MET: variants seen among roughly 807,000 people sequenced by gnomAD.
The protein encoded by MET is hepatocyte growth factor receptor.
In MET, 48 loss-of-function variants were observed where a neutral mutation model predicts 133.1. The ratio of observed to expected loss-of-function variants is 0.36; its 90% CI spans 0.29 to 0.46. MET has a LOEUF of 0.46. Among genes scored for constraint, MET ranks in the 20% least tolerant of loss-of-function variants. MET has a pLI of 1.00. For synonymous variants in MET, 628 were observed against 616.5 expected, an observed-to-expected ratio of 1.02 and a Z score of -0.28; for missense variants, 1,442 against 1,695.9, an observed-to-expected ratio of 0.85 and a Z score of 2.63.
chr7:116,784,647 C>T (rs1795255233), intron 19 of MET, among the ~76,000 whole-genome samples: 1 of 152,188 alleles, frequency 6.6e-6, no homozygotes, highest in Admixed American at 6.5e-5. Flanking sequence ...GATCCAATCA[C>T]CTCCAACCAC....
rs1270496136 is a variant in MET at position 116,778,975 on chromosome 7, C to T, written c.3522+18C>T. On this transcript the variant is annotated intron_variant, in intron 17 of 20. Transcript: ENST00000397752. The stretch of plus-strand genomic sequence containing the variant: ...AGACTCATGTAAGTTGACTGCCAAG[C>T]TTACTAACTGGCAAACTAGCTGTAA... 2 of 1,613,086 alleles carry T rather than the reference C, an allele frequency of 1.2e-6. No individual in the cohort carries two copies. Among genetic ancestry groups the T allele is most frequent in the South Asian group, 2.2e-5 (2 of 91,016 alleles).
At chr7:116,795,606 T>C (rs1433586437) in intron 19 of MET, 49 bp from the exon 20 acceptor site, 3 of 1,611,830 alleles carry the variant, frequency 1.9e-6, no homozygotes, top group African/African-American at 1.3e-5. Flanking sequence ...CTTTCATATA[T>C]GTATGGTCAC....
At chr7:116,724,771 G>A (rs1007839691) in intron 2 of MET, 1 of 1,177,716 alleles carries the variant, frequency 8.5e-7, no homozygotes, top group African/African-American at 1.7e-5. Flanking sequence ...TCCCTTTACA[G>A]GCAGAAAATG....
chr7:116,768,354 A>G (rs2116977054), intron 11 of MET, among the ~76,000 whole-genome samples: 1 of 152,268 alleles, frequency 6.6e-6, no homozygotes, highest in Non-Finnish European at 1.5e-5. Flanking sequence ...TATGTGGATA[A>G]GGGTTTTATC....
In MET at chr7:116,763,060, A is replaced by G. The variant is rs980467681; in HGVS notation, c.2375A>G (p.His792Arg). Residue 792 changes from histidine to arginine, a missense_variant, in exon 11 of 21, where the codon CAT becomes CGT. By Grantham distance (29) the His-to-Arg change is conservative. Transcript: ENST00000397752. ...AGRNFTVACQ[H>R]RSNSEIICCT... Reference sequence around the variant, plus strand: ...TGTGTCTTTCTCTAGGCATGTCAACATCGCTCTAATTCAGAGATAATCTGT... The same window carrying G: ...TGTGTCTTTCTCTAGGCATGTCAACGTCGCTCTAATTCAGAGATAATCTGT... 3.7e-6 allele frequency: 6 copies of G among 1,613,834 alleles called. No individual in the cohort carries two copies. In the African/African-American group the frequency reaches 5.3e-5, roughly 14 times the overall value.
chr7:116,683,753 TAGAATTTG>T (rs1307414526), intron 1 of MET, among the ~76,000 whole-genome samples: 1 of 152,234 alleles, frequency 6.6e-6, no homozygotes, highest in East Asian at 1.9e-4. Context: ...GACCCGTCTG[TAGAATTTG>T]ACACCATACA....
chr7:116,701,540 C>A (rs562979133), intron 2 of MET, among the ~76,000 whole-genome samples: 1 of 152,238 alleles, frequency 6.6e-6, no homozygotes, highest in African/African-American at 2.4e-5. Flanking sequence ...GTCAGTTCAT[C>A]TTTTGGTGAA....
intron 6 of MET, among the ~76,000 whole-genome samples, chr7:116,756,260 A>G (rs1190151541): frequency 6.6e-6 from 1 of 152,162 alleles, no homozygotes; most frequent in Non-Finnish European, 1.5e-5. Context: ...GAATTCCATA[A>G]TCATCAGAGA....
At position 116,797,274 on chromosome 7, in the gene MET, T is replaced by C. The variant is rs1393939095; in HGVS notation, c.*1150T>C. ...AAGCAGGATACATTTTACTAAAAGG[T>C]TCATTGGTTCCAATCACAGCTCATA... On this transcript the variant is annotated 3_prime_UTR_variant, in exon 21 of 21. Coordinates refer to ENST00000397752, the MANE Select transcript of MET (RefSeq NM_000245.4). The C allele has an allele frequency of 9.0e-6, 2 of 221,682 alleles. No homozygotes were observed. The highest frequency in any genetic ancestry group is 4.5e-5 in the African/African-American group (2 of 44,562). 13.7% of individuals were successfully genotyped at this position (221,682 alleles called of 1,614,324 possible).
At chr7:116,712,200 C>A (rs1021750680) in intron 2 of MET, among the ~76,000 whole-genome samples, 1 of 152,194 alleles carries the variant, frequency 6.6e-6, no homozygotes, top group Non-Finnish European at 1.5e-5. Flanking sequence ...GTCAAGTGAA[C>A]ACTTTTTCCC....
At chr7:116,793,103 G>A (rs528172363) in intron 19 of MET, among the ~76,000 whole-genome samples, 7 of 151,780 alleles carry the variant, frequency 4.6e-5, no homozygotes, top group African/African-American at 9.7e-5. Context: ...TAAGCTTGGC[G>A]CTTACAGATG....
Position 116,763,270 on chromosome 7 carries a change from T to G in MET, c.2583+2T>G, listed in dbSNP as rs757166437. The stretch of plus-strand genomic sequence containing the variant: ...AATGAAAATGTACTGGAAATTAAGG[T>G]AAGAAATGCTTTAAACACTGTCTTA... On this transcript the variant is annotated splice_donor_variant, in intron 11 of 20. Coordinates refer to ENST00000397752, the MANE Select transcript of MET (RefSeq NM_000245.4). LOFTEE classifies it high-confidence loss of function. 1 of 1,612,020 alleles carries G rather than the reference T, an allele frequency of 6.2e-7. No homozygotes were observed. Among genetic ancestry groups the G allele is most frequent in the South Asian group, 1.1e-5 (1 of 90,982 alleles).
intron 5 of MET, among the ~76,000 whole-genome samples, chr7:116,748,587 A>G (rs1204706635): frequency 6.6e-6 from 1 of 152,200 alleles, no homozygotes; most frequent in African/African-American, 2.4e-5. Context: ...GAGCAAACAA[A>G]TTCAAAAGCT....
intron 2 of MET, among the ~76,000 whole-genome samples, chr7:116,718,097 T>G (rs547571299): frequency 6.6e-6 from 1 of 152,166 alleles, no homozygotes; most frequent in Non-Finnish European, 1.5e-5. Flanking sequence ...TAAAAAATAA[T>G]AAAACAGGAG....
chr7:116,723,815 C>T (rs1358080640), intron 2 of MET, among the ~76,000 whole-genome samples: 1 of 152,114 alleles, frequency 6.6e-6, no homozygotes, highest in Non-Finnish European at 1.5e-5. Context: ...GGTCAGGGAC[C>T]CACTTGAGGA....
In MET at chr7:116,739,973, A is replaced by G; in HGVS notation, c.1416A>G (p.Pro472=). 1 of 1,614,150 alleles carries G rather than the reference A, an allele frequency of 6.2e-7. No individual in the cohort carries two copies. Among genetic ancestry groups the G allele is most frequent in the African/African-American group, 1.3e-5 (1 of 75,046 alleles). ...AGGTTGTGGTTTCTCGATCAGGACC[A>G]TCAACCCCTCATGTGAATTTTCTCC... ...FMQVVVSRSG[P]STPHVNFLLD... The change falls in exon 4 of 21, where the codon CCA becomes CCG. Residue 472 remains proline, a synonymous_variant. Coordinates refer to ENST00000397752, the MANE Select transcript of MET (RefSeq NM_000245.4).
intron 2 of MET, among the ~76,000 whole-genome samples, chr7:116,703,904 G>A (rs1365355100): frequency 6.6e-6 from 1 of 152,120 alleles, no homozygotes; most frequent in Non-Finnish European, 1.5e-5. Flanking sequence ...TCGCCTCTCA[G>A]AAAATACAAT....
intron 19 of MET, among the ~76,000 whole-genome samples, chr7:116,789,891 G>A (rs1473599659): frequency 2.0e-5 from 3 of 152,142 alleles, no homozygotes; most frequent in Non-Finnish European, 2.9e-5. Flanking sequence ...ATGGTGGTTT[G>A]CTGCACCTAT....
At chr7:116,703,797 C>T (rs1280179947) in intron 2 of MET, among the ~76,000 whole-genome samples, 1 of 152,034 alleles carries the variant, frequency 6.6e-6, no homozygotes, top group Non-Finnish European at 1.5e-5. Context: ...ATCCTGTTCC[C>T]TAAGTTATAG....
Sources: gnomAD v4.1 joint callset for allele counts (sites outside exome capture counted in the v4.1 genomes callset) on GRCh38, gnomAD v4.1.1 for gene constraint, MANE v1.5 for transcripts, NCBI Gene and HGNC (gene_info 2026-07-23, HGNC 2026-07-21) for gene names.